ADGRE3: variants seen among roughly 807,000 people sequenced by gnomAD.
The protein encoded by ADGRE3 is EGF-like module receptor 3.
A neutral mutation model predicts 80.1 loss-of-function variants in ADGRE3; 88 were observed. The ratio of observed to expected loss-of-function variants is 1.10; its 90% CI spans 0.93 to 1.31. ADGRE3 has a LOEUF of 1.31. ADGRE3 is among the 40% of genes most tolerant of loss of function. The probability of loss-of-function intolerance (pLI) is 0.00; values close to 1 mark genes in which losing one functional copy is unlikely to be tolerated. For synonymous variants in ADGRE3, 281 were observed against 294.8 expected (o/e 0.95, Z 0.48); for missense variants, 715 against 776.5 (o/e 0.92, Z 0.94).
At chr19:14,639,784 CT>C (rs1453209594) in intron 10 of ADGRE3, among the ~76,000 whole-genome samples, 2 of 152,142 alleles carry the variant, frequency 1.3e-5, no homozygotes, top group African/African-American at 2.4e-5. Flanking sequence ...TGCCCTCCCC[CT>C]ATTTGCCTAA....
In ADGRE3 at chr19:14,667,787, C is replaced by G. The variant is rs192883509; in HGVS notation, c.76+1015G>C. Among the ~76,000 whole-genome samples the G allele has an allele frequency of 9.5e-4, 144 of 152,228 alleles. 2 individuals are homozygous for G. The highest frequency in any genetic ancestry group is 3.3e-3 in the African/African-American group (138 of 41,546). The stretch of plus-strand genomic sequence containing the variant: ...GGCACATGTATACCTATGTAACAAA[C>G]CTGCACGTTGTGCACATGTACCCTA... On this transcript the variant is annotated intron_variant, in intron 2 of 15. Coordinates refer to ENST00000253673, the MANE Select transcript of ADGRE3 (RefSeq NM_032571.5).
At chr19:14,661,923 C>A (rs1309179239) in intron 4 of ADGRE3, 40 bp downstream of exon 4, 1 of 1,601,028 alleles carries the variant, frequency 6.2e-7, no homozygotes, top group Middle Eastern at 1.7e-4. Context: ...AAAAAAACAA[C>A]AACAGAGGAA....
chr19:14,660,110 T>TG (rs1431737468), intron 4 of ADGRE3, among the ~76,000 whole-genome samples: 2 of 152,092 alleles, frequency 1.3e-5, no homozygotes. Context: ...TATCATTGGG[T>TG]GGGGGTGTCT....
At chr19:14,607,250 G>C in the ADGRE3 span, 1 of 296,936 alleles carries the variant, frequency 3.4e-6, no homozygotes, top group Non-Finnish European at 6.1e-6. Flanking sequence ...TGTCGCCCAG[G>C]CTGGAGTGCA....
chr19:14,632,880 A>AG (rs1258776340), intron 13 of ADGRE3, 41 bp downstream of exon 13: 1 of 1,368,848 alleles, frequency 7.3e-7, no homozygotes, highest in Admixed American at 1.7e-5. Context: ...AAGGACTGGC[A>AG]GAAGGAAAGG....
At chr19:14,661,457 T>A (rs1483696476) in intron 4 of ADGRE3, among the ~76,000 whole-genome samples, 1 of 152,228 alleles carries the variant, frequency 6.6e-6, no homozygotes, top group African/African-American at 2.4e-5. Flanking sequence ...ACCCATTTTT[T>A]GGCCTGTTAG....
downstream of ADGRE3, among the ~76,000 whole-genome samples, chr19:14,614,598 G>A (rs62124010): frequency 0.068 from 10,261 of 149,942 alleles, 454 homozygotes; most frequent in African/African-American, 0.13. Flanking sequence ...TTTTTTTTGG[G>A]CAGAGTCTCA....
intron 7 of ADGRE3, among the ~76,000 whole-genome samples, chr19:14,650,339 CCTAT>C (rs1156983452): frequency 1.4e-5 from 2 of 145,590 alleles, no homozygotes; most frequent in African/African-American, 5.1e-5. Context: ...CATCTCTTTC[CCTAT>C]CTTTTTCCAT....
chr19:14,653,324 G>A (rs185375090), intron 6 of ADGRE3, among the ~76,000 whole-genome samples: 1 of 151,820 alleles, frequency 6.6e-6, no homozygotes, highest in East Asian at 1.9e-4. Flanking sequence ...GTTACTCTTT[G>A]TCATTTTTAT....
intron 6 of ADGRE3, among the ~76,000 whole-genome samples, chr19:14,654,473 C>G (rs899773890): frequency 7.9e-5 from 12 of 151,694 alleles, no homozygotes; most frequent in Non-Finnish European, 1.3e-4. Flanking sequence ...CTATGTTGCC[C>G]AGGCCAGTCT....
At chr19:14,608,823 G>A in the ADGRE3 span, among the ~76,000 whole-genome samples, 6 of 143,164 alleles carry the variant, frequency 4.2e-5, no homozygotes, top group Non-Finnish European at 9.1e-5. Context: ...TTTTTGAGAC[G>A]GAGTCTCACT....
rs376576086 is a variant in ADGRE3 at position 14,624,934 on chromosome 19, G to T, written c.1920+558C>A. The stretch of plus-strand genomic sequence containing the variant: ...TGGGGCCTGTTAGGGGACGTTGGAG[G>T]GGGGAGAGCATTAGGGAAAAGAGCC... On this transcript the variant is annotated intron_variant, in intron 15 of 15. Coordinates refer to ENST00000253673, the MANE Select transcript of ADGRE3 (RefSeq NM_032571.5). Among the ~76,000 whole-genome samples the T allele has an allele frequency of 2.0e-5, 3 of 151,440 alleles. No individual in the cohort carries two copies. The South Asian group carries it at 6.3e-4, about 32-fold the overall frequency.
intron 9 of ADGRE3, 111 bp from the exon 10 acceptor site, chr19:14,641,727 G>T: frequency 7.8e-7 from 1 of 1,280,228 alleles, no homozygotes; most frequent in Non-Finnish European, 1.1e-6. Flanking sequence ...GGTAGTGTGG[G>T]ACCGTTAGAC....
At chr19:14,641,338 T>G in intron 10 of ADGRE3, 81 bp downstream of exon 10, 1 of 1,549,890 alleles carries the variant, frequency 6.5e-7, no homozygotes, top group Non-Finnish European at 8.9e-7. Flanking sequence ...GACATTTTAT[T>G]AAGGAATCTA....
the ADGRE3 span, among the ~76,000 whole-genome samples, chr19:14,603,968 C>T: frequency 6.6e-6 from 1 of 152,336 alleles, no homozygotes; most frequent in Non-Finnish European, 1.5e-5. Flanking sequence ...GGGGCTCAGA[C>T]TTTGGGCCAT....
intron 15 of ADGRE3, among the ~76,000 whole-genome samples, chr19:14,620,580 T>A (rs1336802365): frequency 0.019 from 454 of 23,580 alleles, 44 homozygotes; most frequent in Non-Finnish European, 0.027. Context: ...TTTTTTTTTT[T>A]TTTTTTTTTT....
the ADGRE3 span, among the ~76,000 whole-genome samples, chr19:14,613,722 G>C: frequency 1.3e-5 from 2 of 152,026 alleles, no homozygotes; most frequent in African/African-American, 4.8e-5. Flanking sequence ...GTGTCACTCT[G>C]TCACCCAGGC....
rs7246418 is a variant in ADGRE3, at chr19:14,665,978, A to G, written c.77-2438T>C. Among the ~76,000 whole-genome samples, 302 of 128,178 alleles carry G rather than the reference A, an allele frequency of 2.4e-3. 4 individuals carry two copies. The highest frequency in any genetic ancestry group is 8.0e-3 in the African/African-American group (274 of 34,370). 84.1% of individuals were successfully genotyped at this position (128,178 alleles called of 152,430 possible). On this transcript the variant is annotated intron_variant, in intron 2 of 15. Coordinates refer to ENST00000253673, the MANE Select transcript of ADGRE3 (RefSeq NM_032571.5). Reference sequence around the variant, plus strand: ...TATATATATATATATATATATATATAGTGTTTTCTTTATCCACGTGTTGAT... The same window carrying G: ...TATATATATATATATATATATATATGGTGTTTTCTTTATCCACGTGTTGAT...
At chr19:14,645,363 A>T (rs925515160) in intron 8 of ADGRE3, among the ~76,000 whole-genome samples, 7 of 152,182 alleles carry the variant, frequency 4.6e-5, no homozygotes, top group Non-Finnish European at 1.0e-4. Flanking sequence ...AGAGAGAATA[A>T]AATGAGCCTT....
Sources: gnomAD v4.1 joint callset for allele counts (sites outside exome capture counted in the v4.1 genomes callset) on GRCh38, gnomAD v4.1.1 for gene constraint, MANE v1.5 for transcripts, NCBI Gene and HGNC (gene_info 2026-07-23, HGNC 2026-07-21) for gene names.